Variants in EXOC6B observed in about 807,000 individuals in gnomAD.
EXOC6B encodes exocyst complex component 6B.
Under a neutral mutation model 113.5 loss-of-function variants are expected in EXOC6B, and 54 were observed. The observed-to-expected ratio is 0.48, with a 90% CI of 0.38 to 0.60. The LOEUF (loss-of-function observed/expected upper bound fraction) is 0.60. Among genes scored for constraint, EXOC6B ranks in the 20% least tolerant of loss-of-function variants. The pLI, the probability that EXOC6B is intolerant of heterozygous loss-of-function variation, is 0.00. For synonymous variants in EXOC6B, 357 were observed against 339.0 expected (o/e 1.05, Z -0.58); for missense variants, 797 against 977.5 (o/e 0.82, Z 2.46).
chr2:72,759,311 T>C (rs193081821), intron 1 of EXOC6B, among the ~76,000 whole-genome samples: 27 of 152,212 alleles, frequency 1.8e-4, no homozygotes, highest in Admixed American at 5.2e-4. Flanking sequence ...ATGAGAAAAA[T>C]AAGGCCCATC....
At chr2:72,611,179 T>C (rs1204703595) in intron 6 of EXOC6B, among the ~76,000 whole-genome samples, 3 of 151,894 alleles carry the variant, frequency 2.0e-5, no homozygotes, top group Non-Finnish European at 2.9e-5. Context: ...CCTGGCCAAA[T>C]AGCAAAACCG....
chr2:72,549,383 G>C (rs1435608731), intron 8 of EXOC6B, among the ~76,000 whole-genome samples: 2 of 152,146 alleles, frequency 1.3e-5, no homozygotes, highest in African/African-American at 2.4e-5. Flanking sequence ...ATTCTGATGA[G>C]AATCTGAACT....
intron 19 of EXOC6B, among the ~76,000 whole-genome samples, chr2:72,373,892 G>C (rs1265737266): frequency 1.3e-5 from 2 of 152,130 alleles, no homozygotes; most frequent in Non-Finnish European, 2.9e-5. Context: ...GGAAGGCCGA[G>C]GTGGGTGGAT....
intron 7 of EXOC6B, among the ~76,000 whole-genome samples, chr2:72,572,502 G>T (rs1471858410): frequency 3.3e-5 from 5 of 152,148 alleles, no homozygotes; most frequent in African/African-American, 4.8e-5. Context: ...ACTGGGAAAT[G>T]ACTCCATATA....
intron 20 of EXOC6B, among the ~76,000 whole-genome samples, chr2:72,279,809 G>T (rs6722637): frequency 0.37 from 55,772 of 151,458 alleles, 13,408 homozygotes; most frequent in African/African-American, 0.68. Flanking sequence ...TGTTGTTGTT[G>T]TTTTTGTTTT....
At chr2:72,708,594 A>G (rs2104676177) in intron 6 of EXOC6B, among the ~76,000 whole-genome samples, 1 of 152,336 alleles carries the variant, frequency 6.6e-6, no homozygotes, top group East Asian at 1.9e-4. Context: ...GTTTAACTAC[A>G]AAGAGTAGTA....
chr2:72,194,617 G>A (rs181086778), intron 20 of EXOC6B, among the ~76,000 whole-genome samples: 12 of 151,372 alleles, frequency 7.9e-5, no homozygotes, highest in Admixed American at 7.2e-4. Flanking sequence ...GTGTGCATAT[G>A]TGTGTGTGCA....
intron 11 of EXOC6B, among the ~76,000 whole-genome samples, chr2:72,505,822 T>G (rs923443210): frequency 6.6e-6 from 1 of 152,162 alleles, no homozygotes; most frequent in South Asian, 2.1e-4. Flanking sequence ...CAGTTTCTAA[T>G]TTACTAAGAA....
At chr2:72,475,978 C>T (rs1457639612) in intron 17 of EXOC6B, among the ~76,000 whole-genome samples, 1 of 152,196 alleles carries the variant, frequency 6.6e-6, no homozygotes, top group Non-Finnish European at 1.5e-5. Flanking sequence ...CACCTCAGCC[C>T]CAGTACCAGT....
chr2:72,441,984 A>G (rs1696230873), intron 18 of EXOC6B, among the ~76,000 whole-genome samples: 1 of 152,262 alleles, frequency 6.6e-6, no homozygotes, highest in Admixed American at 6.5e-5. Context: ...ATTGATGAAC[A>G]TTGATGCAAA....
intron 20 of EXOC6B, among the ~76,000 whole-genome samples, chr2:72,295,465 T>C (rs1686073043): frequency 1.3e-5 from 2 of 152,192 alleles, no homozygotes; most frequent in Non-Finnish European, 2.9e-5. Flanking sequence ...ACTTTTCCTG[T>C]AAAGGGCCAG....
At chr2:72,537,232 AAAGTT>A (rs1389041554) in intron 8 of EXOC6B, among the ~76,000 whole-genome samples, 1 of 152,064 alleles carries the variant, frequency 6.6e-6, no homozygotes, top group Non-Finnish European at 1.5e-5. Flanking sequence ...GAATCCCTCT[AAAGTT>A]TAGTTATCCA....
intron 8 of EXOC6B, among the ~76,000 whole-genome samples, chr2:72,550,882 T>C (rs570558350): frequency 6.6e-6 from 1 of 151,718 alleles, no homozygotes; most frequent in East Asian, 1.9e-4. Flanking sequence ...CAGAGATACA[T>C]AACAATTACG....
intron 18 of EXOC6B, among the ~76,000 whole-genome samples, chr2:72,415,793 A>G (rs1007225136): frequency 1.3e-5 from 2 of 152,192 alleles, no homozygotes; most frequent in African/African-American, 4.8e-5. Flanking sequence ...GTATATATGG[A>G]ATAGTGCCAA....
chr2:72,726,220 G>A lies in EXOC6B; in HGVS notation c.464+4787C>T, dbSNP rs1223440327. Among the ~76,000 whole-genome samples, 4 of 152,144 alleles carry A rather than the reference G, an allele frequency of 2.6e-5. No homozygotes were observed. In the East Asian group the frequency reaches 7.7e-4, roughly 29 times the overall value. On this transcript the variant is annotated intron_variant, in intron 5 of 21. Transcript: ENST00000272427. ...AGAAAGTAGATTAGTGGTTGCCAGG[G>A]CAGCGAGGAAAGAGGAATGGGTACC... is the stretch of plus-strand genomic sequence containing the variant.
intron 1 of EXOC6B, among the ~76,000 whole-genome samples, chr2:72,782,612 A>ATT (rs1684124224): frequency 6.6e-6 from 1 of 152,188 alleles, no homozygotes; most frequent in Admixed American, 6.6e-5. Flanking sequence ...TCTGCTATAG[A>ATT]ACATTAAAAC....
At chr2:72,700,796 C>T (rs1050972130) in intron 6 of EXOC6B, among the ~76,000 whole-genome samples, 1 of 152,118 alleles carries the variant, frequency 6.6e-6, no homozygotes, top group Admixed American at 6.5e-5. Context: ...ACTAAACATA[C>T]AAAAATTAGC....
intron 18 of EXOC6B, among the ~76,000 whole-genome samples, chr2:72,459,583 C>G (rs980081599): frequency 3.9e-5 from 6 of 152,150 alleles, no homozygotes; most frequent in Admixed American, 1.3e-4. Flanking sequence ...AGAGCCAAAT[C>G]ATGAGTGAAC....
intron 5 of EXOC6B, among the ~76,000 whole-genome samples, chr2:72,726,027 G>A (rs1408806240): frequency 6.6e-6 from 1 of 152,214 alleles, no homozygotes; most frequent in Non-Finnish European, 1.5e-5. Context: ...TATATACAAT[G>A]AGAGAGTATT....
Sources: gnomAD v4.1 joint callset for allele counts (sites outside exome capture counted in the v4.1 genomes callset) on GRCh38, gnomAD v4.1.1 for gene constraint, MANE v1.5 for transcripts, NCBI Gene and HGNC (gene_info 2026-07-23, HGNC 2026-07-21) for gene names.